The following PCDHA10 variants were observed in gnomAD, a reference collection of about 807,000 sequenced individuals.
PCDHA10 encodes protocadherin alpha 10.
Under a neutral mutation model 61.2 loss-of-function variants are expected in PCDHA10, and 45 were observed. The observed-to-expected ratio is 0.74, with a 90% confidence interval of 0.58 to 0.94. PCDHA10 has a LOEUF of 0.94. PCDHA10 is among the 40% of genes least tolerant of loss of function. The pLI is 0.00. For synonymous variants in PCDHA10, 602 were observed against 548.8 expected (o/e 1.10, Z -1.35); for missense variants, 1,278 against 1,236.2 (o/e 1.03, Z -0.51).
intron 1 of PCDHA10, among the ~76,000 whole-genome samples, chr5:140,901,970 G>T (rs1178784932): frequency 1.3e-5 from 2 of 151,954 alleles, no homozygotes; most frequent in Non-Finnish European, 2.9e-5. Context: ...TCGTAAATGG[G>T]ATTACTTTTT....
At chr5:140,985,138 C>T (rs972329850) in intron 3 of PCDHA10, among the ~76,000 whole-genome samples, 3 of 152,016 alleles carry the variant, frequency 2.0e-5, no homozygotes, top group Non-Finnish European at 2.9e-5. Flanking sequence ...GGGGTTTCAC[C>T]GTGTTAGCCA....
At chr5:140,967,624 G>C (rs950749188) in intron 1 of PCDHA10, 1 of 1,614,158 alleles carries the variant, frequency 6.2e-7, no homozygotes, top group Non-Finnish European at 8.5e-7. Flanking sequence ...ACCCGGATGA[G>C]GGCTCCAATG....
intron 1 of PCDHA10, 74 bp downstream of exon 1, chr5:140,858,510 T>C: frequency 2.1e-6 from 3 of 1,437,158 alleles, no homozygotes; most frequent in African/African-American, 1.4e-5. Flanking sequence ...TTCTCAAATA[T>C]GTATCAGAAT....
At chr5:140,970,773 T>G (rs1385909769) in intron 1 of PCDHA10, among the ~76,000 whole-genome samples, 1 of 152,240 alleles carries the variant, frequency 6.6e-6, no homozygotes, top group Non-Finnish European at 1.5e-5. Context: ...TTGCTGTACA[T>G]ACATATTGTA....
At position 140,926,602 on chromosome 5, in the gene PCDHA10, C is replaced by T. The variant is rs1326525373; in HGVS notation, c.2389-52347C>T. 9 of 324,032 alleles carry T rather than the reference C, an allele frequency of 2.8e-5. No homozygotes were observed. The East Asian group carries it at 4.7e-4, about 17-fold the overall frequency. The allele number at this position is 324,032 out of a possible 1,614,324, so 20.1% of individuals were successfully genotyped here. On this transcript the variant is annotated intron_variant, in intron 1 of 3. Coordinates refer to ENST00000307360, the MANE Select transcript of PCDHA10 (RefSeq NM_018901.4). ...CCTCTCGCGCCCGGGCGGGCGGCCT[C>T]GTCTCTGCACCCCTAGGCGGCGCTG...
intron 1 of PCDHA10, chr5:140,869,060 T>C (rs1490534322): frequency 2.6e-6 from 4 of 1,556,804 alleles, no homozygotes; most frequent in East Asian, 2.2e-5. Context: ...AATCTGGTAC[T>C]GTAAGTGTAA....
chr5:140,870,589 C>A (rs1445004841), intron 1 of PCDHA10: 30 of 1,613,510 alleles, frequency 1.9e-5, no homozygotes, highest in Non-Finnish European at 2.5e-5. Context: ...GCTGGTGGAG[C>A]GGCGGTTGGG....
chr5:140,981,881 C>T lies in PCDHA10; in HGVS notation c.2448-594C>T, dbSNP rs138571007. Among the ~76,000 whole-genome samples the T allele has an allele frequency of 4.1e-3, 622 of 152,270 alleles. 4 individuals carry two copies. Among genetic ancestry groups the T allele is most frequent in the African/African-American group, 0.014 (590 of 41,550 alleles). ...CAGCAATGTTTTATGCTGAATTAAT[C>T]TCTTCTGAGCGGGGATCTGTGAGTG... On this transcript the variant is annotated intron_variant, in intron 2 of 3. Transcript: ENST00000307360.
intron 1 of PCDHA10, among the ~76,000 whole-genome samples, chr5:140,948,738 A>T (rs1347138284): frequency 6.6e-6 from 1 of 151,488 alleles, no homozygotes; most frequent in African/African-American, 2.4e-5. Flanking sequence ...CTAGCTGAGA[A>T]TTTATCAATT....
At chr5:140,897,451 TC>T (rs2066120094) in intron 1 of PCDHA10, among the ~76,000 whole-genome samples, 1 of 151,584 alleles carries the variant, frequency 6.6e-6, no homozygotes, top group Non-Finnish European at 1.5e-5. Context: ...TGGTTTTTTG[TC>T]CTTGCGATAG....
chr5:140,938,753 T>G (rs1381426227), intron 1 of PCDHA10, among the ~76,000 whole-genome samples: 3 of 152,170 alleles, frequency 2.0e-5, no homozygotes, highest in Admixed American at 1.3e-4. Flanking sequence ...TTTAAAGGCA[T>G]AGTTATTGGG....
intron 1 of PCDHA10, among the ~76,000 whole-genome samples, chr5:140,872,428 G>C (rs2053656212): frequency 6.6e-6 from 1 of 151,990 alleles, no homozygotes; most frequent in African/African-American, 2.4e-5. Context: ...AGAGTTCGAG[G>C]CCTGCCTGGA....
chr5:140,979,522 A>G (rs576025092), intron 2 of PCDHA10, among the ~76,000 whole-genome samples: 1 of 152,098 alleles, frequency 6.6e-6, no homozygotes, highest in South Asian at 2.1e-4. Context: ...ATCTGTTGCT[A>G]TCTTATTGTC....
chr5:140,855,951 G>A lies in PCDHA10; in HGVS notation c.-98G>A, dbSNP rs923077189. 1.5e-6 allele frequency: 2 copies of A among 1,372,088 alleles called. No individual in the cohort carries two copies. The highest frequency in any genetic ancestry group is 1.4e-5 in the South Asian group (1 of 70,556). 85.0% of individuals were successfully genotyped at this position (1,372,088 alleles called of 1,614,324 possible). ...GTCATTCTGAGATCTCAGCCATTTC[G>A]ATAAAAAATAGATATAAGAAATAGG... is the stretch of plus-strand genomic sequence containing the variant. On this transcript the variant is annotated 5_prime_UTR_variant, in exon 1 of 4. Transcript: ENST00000307360.
At position 140,903,003 on chromosome 5, in the gene PCDHA10, A is replaced by C. The variant is rs115622636; in HGVS notation, c.2388+44567A>C. On this transcript the variant is annotated intron_variant, in intron 1 of 3. Transcript: ENST00000307360. ...TGGTTCCATATTTTTGCAATTGTGAATTGTGCTGCTATCAACATGGCTTGC... is the reference window on the plus strand; with the variant it reads ...TGGTTCCATATTTTTGCAATTGTGACTTGTGCTGCTATCAACATGGCTTGC... Among the ~76,000 whole-genome samples the C allele has an allele frequency of 4.6e-3, 703 of 152,302 alleles. 3 individuals are homozygous for C. The highest frequency in any genetic ancestry group is 0.016 in the African/African-American group (680 of 41,574).
Position 140,871,393 on chromosome 5 carries a change from C to G in PCDHA10, c.2388+12957C>G, listed in dbSNP as rs782354799. The G allele has an allele frequency of 6.2e-6, 10 of 1,614,130 alleles. No individual in the cohort carries two copies. The East Asian group carries it at 2.2e-4, about 36-fold the overall frequency. ...GAGGGTGTGCTCTGAGGAGGGCCCA[C>G]CTAAGACGGACCTCATGGCCTTCAG... On this transcript the variant is annotated intron_variant, in intron 1 of 3. Transcript: ENST00000307360.
At chr5:140,971,615 G>C (rs2096488487) in intron 1 of PCDHA10, among the ~76,000 whole-genome samples, 1 of 152,030 alleles carries the variant, frequency 6.6e-6, no homozygotes, top group East Asian at 1.9e-4. Flanking sequence ...GGAGAGTCCT[G>C]GGGTACAATT....
chr5:141,004,274 A>T (rs2098160407), intron 3 of PCDHA10, among the ~76,000 whole-genome samples: 1 of 152,212 alleles, frequency 6.6e-6, no homozygotes, highest in Admixed American at 6.5e-5. Flanking sequence ...CACAGTCTAC[A>T]TGCTGCTGAG....
intron 1 of PCDHA10, chr5:140,877,895 G>T (rs1554170219): frequency 1.4e-6 from 2 of 1,447,634 alleles, no homozygotes; most frequent in South Asian, 3.1e-5. Context: ...TTCCGTTTAG[G>T]TTATAACTAC....
Sources: allele counts gnomAD v4.1 joint callset (sites outside exome capture counted in the v4.1 genomes callset), GRCh38; gene constraint gnomAD v4.1.1; transcripts MANE v1.5; gene names NCBI Gene and HGNC (gene_info 2026-07-23, HGNC 2026-07-21).